NDUFAF2: variants seen among roughly 807,000 people sequenced by gnomAD.
The protein encoded by NDUFAF2 is NADH:ubiquinone oxidoreductase complex assembly factor 2, also known as NADH dehydrogenase [ubiquinone] 1 alpha subcomplex assembly factor 2.
NDUFAF2 carries 13 observed loss-of-function variants against 22.8 expected under a neutral mutation model. The observed-to-expected ratio is 0.57, with a 90% CI of 0.37 to 0.91. The LOEUF is 0.91. Among genes scored for constraint, NDUFAF2 ranks in the 40% least tolerant of loss-of-function variants. The pLI, the probability that NDUFAF2 is intolerant of heterozygous loss-of-function variation, is 0.01. For synonymous variants in NDUFAF2, 53 were observed against 64.2 expected, an observed-to-expected ratio of 0.83 and a Z score of 0.84; for missense variants, 162 against 195.2, an observed-to-expected ratio of 0.83 and a Z score of 1.01.
At chr5:61,079,338 T>C (rs1752410916) in intron 2 of NDUFAF2, among the ~76,000 whole-genome samples, 1 of 152,236 alleles carries the variant, frequency 6.6e-6, no homozygotes, top group Non-Finnish European at 1.5e-5. Flanking sequence ...GATGTTGCTA[T>C]CCCTGTTCTA....
rs76590066 is a variant in NDUFAF2 at position 61,040,523 on chromosome 5, C to A, written c.128-32602C>A. ...GGCAGCCCTAGGAAACCAAAATAGT[C>A]AGTATTCCTGAACATTCTCCCATAA... On this transcript the variant is annotated intron_variant, in intron 1 of 3. Transcript: ENST00000296597. Among the ~76,000 whole-genome samples, 717 of 152,110 alleles carry A rather than the reference C, an allele frequency of 4.7e-3. 10 individuals carry two copies. The highest frequency in any genetic ancestry group is 0.017 in the African/African-American group (685 of 41,500).
chr5:61,066,603 C>A (rs1561555422), intron 1 of NDUFAF2, among the ~76,000 whole-genome samples: 1 of 151,750 alleles, frequency 6.6e-6, no homozygotes. Flanking sequence ...AATTTTTGAT[C>A]AAAAAAAATT....
At chr5:60,998,344 T>G (rs1303097809) in intron 1 of NDUFAF2, among the ~76,000 whole-genome samples, 1 of 152,100 alleles carries the variant, frequency 6.6e-6, no homozygotes, top group Non-Finnish European at 1.5e-5. Context: ...TTTTGAAAAT[T>G]ATGAAATAAG....
intron 2 of NDUFAF2, among the ~76,000 whole-genome samples, chr5:61,082,339 C>A (rs1316449664): frequency 2.0e-5 from 3 of 152,140 alleles, no homozygotes; most frequent in Admixed American, 2.0e-4. Flanking sequence ...CTCAAGCAAT[C>A]CTCCTGCCTC....
chr5:61,081,716 AAAT>A (rs1315993335), intron 2 of NDUFAF2, among the ~76,000 whole-genome samples: 1 of 152,244 alleles, frequency 6.6e-6, no homozygotes, highest in East Asian at 1.9e-4. Flanking sequence ...AAGTTTCTTT[AAAT>A]TTAATGATAA....
At chr5:60,994,202 G>A (rs1580085140) in intron 1 of NDUFAF2, among the ~76,000 whole-genome samples, 1 of 152,382 alleles carries the variant, frequency 6.6e-6, no homozygotes, top group East Asian at 1.9e-4. Flanking sequence ...TTCAAGATAG[G>A]AGCAGGCACT....
chr5:61,106,296 T>C (rs1752761580), intron 3 of NDUFAF2, among the ~76,000 whole-genome samples: 2 of 151,434 alleles, frequency 1.3e-5, no homozygotes, highest in African/African-American at 2.5e-5. Context: ...CCACCTTAAC[T>C]AGATGGTCAG....
At chr5:60,965,229 T>A (rs1004844883) in intron 1 of NDUFAF2, among the ~76,000 whole-genome samples, 3 of 152,150 alleles carry the variant, frequency 2.0e-5, no homozygotes, top group African/African-American at 7.2e-5. Context: ...GAGAACATAA[T>A]TTTCCTCCGA....
chr5:61,064,988 A>C (rs1386438989), intron 1 of NDUFAF2, among the ~76,000 whole-genome samples: 1 of 152,022 alleles, frequency 6.6e-6, no homozygotes, highest in Non-Finnish European at 1.5e-5. Flanking sequence ...TAAGAAAAAA[A>C]AATTCAAACA....
chr5:61,004,808 G>C (rs162239), intron 1 of NDUFAF2, among the ~76,000 whole-genome samples: 22,426 of 151,996 alleles, frequency 0.15, 2,126 homozygotes, highest in South Asian at 0.28. Context: ...TCATAGCATT[G>C]ACCCAAAATA....
chr5:60,989,306 T>A (rs1331731410), intron 1 of NDUFAF2, among the ~76,000 whole-genome samples: 2 of 152,180 alleles, frequency 1.3e-5, no homozygotes, highest in African/African-American at 4.8e-5. Flanking sequence ...TATACACTGC[T>A]GGTAGGAGTG....
intron 1 of NDUFAF2, among the ~76,000 whole-genome samples, chr5:61,032,444 G>T (rs1191773648): frequency 6.6e-6 from 1 of 152,098 alleles, no homozygotes; most frequent in Non-Finnish European, 1.5e-5. Flanking sequence ...TCTGCATATG[G>T]CTAGCCAGTT....
At chr5:61,055,632 G>C (rs1163366598) in intron 1 of NDUFAF2, among the ~76,000 whole-genome samples, 1 of 152,142 alleles carries the variant, frequency 6.6e-6, no homozygotes, top group East Asian at 1.9e-4. Context: ...AGAATAGTTA[G>C]GTTGTTCTGC....
chr5:60,947,659 G>C (rs12517310), intron 1 of NDUFAF2, among the ~76,000 whole-genome samples: 1 of 151,100 alleles, frequency 6.6e-6, no homozygotes, highest in Non-Finnish European at 1.5e-5. Context: ...CCAGCTAGTC[G>C]GGAGGCTAAG....
chr5:61,075,391 A>G (rs970251846), intron 2 of NDUFAF2, among the ~76,000 whole-genome samples: 2 of 152,202 alleles, frequency 1.3e-5, no homozygotes, highest in African/African-American at 4.8e-5. Context: ...GAAGAAATAC[A>G]GAATATAAAT....
intron 3 of NDUFAF2, among the ~76,000 whole-genome samples, chr5:61,099,991 G>C (rs1332571641): frequency 2.0e-5 from 3 of 152,144 alleles, no homozygotes; most frequent in Non-Finnish European, 4.4e-5. Flanking sequence ...ACCCATTAAT[G>C]TTCATTCGGC....
At chr5:61,014,705 G>C (rs1751484204) in intron 1 of NDUFAF2, among the ~76,000 whole-genome samples, 1 of 152,172 alleles carries the variant, frequency 6.6e-6, no homozygotes, top group Non-Finnish European at 1.5e-5. Context: ...TGTCTGGAGA[G>C]TTGAATAATT....
Position 60,982,958 on chromosome 5 carries a change from T to C in NDUFAF2, c.127+37576T>C, listed in dbSNP as rs1234791572. 2.8e-4 allele frequency among the ~76,000 whole-genome samples: 42 copies of C among 151,818 alleles called. 1 individual carries two copies. Among genetic ancestry groups the C allele is most frequent in the South Asian group, 6.2e-4 (3 of 4,812 alleles). On this transcript the variant is annotated intron_variant, in intron 1 of 3. Transcript: ENST00000296597. ...TCAAATGGTATTTCTAGTTCTAGAT[T>C]CCTGAGGAATCGCCACACTGACTTC...
chr5:61,106,993 TG>T (rs1462969591), intron 3 of NDUFAF2, among the ~76,000 whole-genome samples: 1 of 149,814 alleles, frequency 6.7e-6, no homozygotes, highest in African/African-American at 2.5e-5. Context: ...GCAGTAAACA[TG>T]GGAGTACAGG....
Sources: gnomAD v4.1 joint callset for allele counts (sites outside exome capture counted in the v4.1 genomes callset) on GRCh38, gnomAD v4.1.1 for gene constraint, MANE v1.5 for transcripts, NCBI Gene and HGNC (gene_info 2026-07-23, HGNC 2026-07-21) for gene names.